Variants in SLC49A3 observed in about 807,000 individuals in gnomAD.
SLC49A3 encodes the protein solute carrier family 49 member A3.
A neutral mutation model predicts 43.8 loss-of-function variants in SLC49A3; 50 were observed. The observed-to-expected ratio is 1.14, with a 90% CI of 0.91 to 1.45. SLC49A3 has a LOEUF of 1.45. Among genes scored for constraint, SLC49A3 ranks in the 40% most tolerant of loss-of-function variants. The probability of loss-of-function intolerance (pLI) is 0.00; values close to 1 mark genes in which losing one functional copy is unlikely to be tolerated. For missense variants in SLC49A3, 906 were observed against 774.1 expected (o/e 1.17, Z -2.02); for synonymous variants, 413 against 352.0 (o/e 1.17, Z -1.94).
At position 682,269 on chromosome 4, in the gene SLC49A3, AG is replaced by A. The variant is rs768673787; in HGVS notation, c.1368del (p.Ser457ProfsTer42). On this transcript the variant is annotated frameshift_variant, in exon 10 of 10. Coordinates refer to ENST00000322224, the MANE Select transcript of SLC49A3 (RefSeq NM_032219.4). LOFTEE classifies it low-confidence loss of function (END_TRUNC). ...GCGCCGCCCACGGCGTTACGGGTGG[AG>A]GGGGGCTCCCCAGACTCGGCCTGCA... ...RRLQAESGEP[P>X]STRNAVGGAD... 3.6e-6 allele frequency: 5 copies of A among 1,373,084 alleles called. No homozygotes were observed. The highest frequency in any genetic ancestry group is 1.9e-5 in the South Asian group (1 of 52,928). The allele number at this position is 1,373,084 out of a possible 1,614,324, so 85.1% of individuals were successfully genotyped here.
At chr4:684,622 C>G in intron 5 of SLC49A3, 23 bp from the exon 6 acceptor site, 2 of 1,612,132 alleles carry the variant, frequency 1.2e-6, no homozygotes, top group Non-Finnish European at 1.7e-6. Flanking sequence ...AGCGTCTCAG[C>G]CCCGGAGCCC....
Position 686,218 on chromosome 4 carries a change from C to A in SLC49A3, c.379G>T (p.Ala127Ser), listed in dbSNP as rs770927084. 2 of 1,613,624 alleles carry A rather than the reference C, an allele frequency of 1.2e-6. No individual in the cohort carries two copies. The highest frequency in any genetic ancestry group is 2.2e-5 in the South Asian group (2 of 91,090). Residue 127 changes from alanine (A) to serine (S), a missense_variant, in exon 3 of 10, where the codon GCC (alanine) becomes TCC (serine). By Grantham distance (99) the Ala-to-Ser change is moderately conservative. Coordinates refer to ENST00000322224, the MANE Select transcript of SLC49A3 (RefSeq NM_032219.4). Reference protein sequence around the residue: ...CMVVGTQNPFAFLMGGQSLCA... With the variant: ...CMVVGTQNPFSFLMGGQSLCA... ...AGGCTCTGGCCACCCATGAGGAAGG[C>A]AAATGGGTTTTGGGTCCCAACAACC...
In SLC49A3 at chr4:686,519, G is replaced by A; in HGVS notation, c.294+13C>T. On this transcript the variant is annotated intron_variant, in intron 2 of 9. Transcript: ENST00000322224. ...CTGTCCCGGAGCGGGCCATGGTGTG[G>A]GGTCTGACTCACCGCCGCACGGAGC... The A allele has an allele frequency of 6.2e-7, 1 of 1,610,666 alleles. No individual in the cohort carries two copies. Among genetic ancestry groups the A allele is most frequent in the African/African-American group, 1.3e-5 (1 of 75,054 alleles).
At position 681,944 on chromosome 4, in the gene SLC49A3, T is replaced by C. The variant is rs2109380940; in HGVS notation, c.*14A>G. On this transcript the variant is annotated 3_prime_UTR_variant, in exon 10 of 10. Transcript: ENST00000322224. ...CATCGATGTGGCGGGCAACCTGGAC[T>C]ACAAGGCGCTCAGCTACGTGATCAC... The C allele has an allele frequency of 3.7e-6, 5 of 1,341,366 alleles. No homozygotes were observed. Among genetic ancestry groups the C allele is most frequent in the Non-Finnish European group, 4.8e-6 (5 of 1,034,186 alleles). 83.1% of individuals were successfully genotyped at this position (1,341,366 alleles called of 1,614,324 possible).
Position 682,203 on chromosome 4 carries a change from C to T in SLC49A3, c.1435G>A (p.Ala479Thr). Residue 479 changes from alanine to threonine, a missense_variant, in exon 10 of 10, where the codon GCT (alanine) becomes ACT (threonine). Transcript: ENST00000322224. ...PGVDRGGAGR[A>T]GVLGPSTATP... ...GCCGTGCTGGGCCCCAGGACCCCAG[C>T]CCTTCCTGCTCCCCCTCGGTCCACA... 1 of 1,369,138 alleles carries T rather than the reference C, an allele frequency of 7.3e-7. No homozygotes were observed. The highest frequency in any genetic ancestry group is 1.5e-5 in the African/African-American group (1 of 66,358). 84.8% of individuals were successfully genotyped at this position (1,369,138 alleles called of 1,614,324 possible).
At chr4:681,386 C>G (rs981467890), downstream of SLC49A3, among the ~76,000 whole-genome samples, 2 of 151,900 alleles carry the variant, frequency 1.3e-5, 1 homozygote, top group South Asian at 4.2e-4. Flanking sequence ...GCGGCCTGAG[C>G]GTCTGTCCCA....
rs764329425 is a variant in SLC49A3 at position 682,249 on chromosome 4, G to A, written c.1389C>T (p.Gly463=). The change falls in exon 10 of 10, where the codon GGC becomes GGT. Residue 463 remains glycine (G), a synonymous_variant. Transcript: ENST00000322224. ...GEPPSTRNAV[G]GADSGPGVDR... ...CCACACCCGGCCCTGAGTCTGCGCC[G>A]CCCACGGCGTTACGGGTGGAGGGGG... 1.3e-5 allele frequency: 18 copies of A among 1,381,776 alleles called. No homozygotes were observed. Among genetic ancestry groups the A allele is most frequent in the South Asian group, 9.0e-5 (5 of 55,532 alleles). 85.6% of individuals were successfully genotyped at this position (1,381,776 alleles called of 1,614,324 possible). A position where few individuals can be genotyped will look rare whatever the true frequency, so the allele number is the denominator to read the frequency against.
chr4:686,046 C>T lies in SLC49A3; in HGVS notation c.508+43G>A, dbSNP rs1053926184. ...GGGGAGCCGAGCGTCTGTGTGGACCCTGAGGTGAGCCCAGGCAGGCGGCCT... is the reference window on the plus strand; with the variant it reads ...GGGGAGCCGAGCGTCTGTGTGGACCTTGAGGTGAGCCCAGGCAGGCGGCCT... On this transcript the variant is annotated intron_variant, in intron 3 of 9. Transcript: ENST00000322224. 4 of 1,611,066 alleles carry T rather than the reference C, an allele frequency of 2.5e-6. No individual in the cohort carries two copies. The African/African-American group carries it at 5.3e-5, about 22-fold the overall frequency.
chr4:681,171 C>T (rs777350526), downstream of SLC49A3: 4 of 1,593,666 alleles, frequency 2.5e-6, no homozygotes, highest in Non-Finnish European at 3.4e-6. Context: ...GCCAAGCCCA[C>T]GAGGGGAGGG....
chr4:690,955 A>C (rs1741836364), upstream of SLC49A3, among the ~76,000 whole-genome samples: 1 of 152,266 alleles, frequency 6.6e-6, no homozygotes, highest in Non-Finnish European at 1.5e-5. Flanking sequence ...CTTTGGTATA[A>C]ACTTAGCAAA....
Position 685,093 on chromosome 4 carries a change from T to C in SLC49A3, c.586-237A>G. 7.1e-6 allele frequency: 4 copies of C among 564,510 alleles called. No homozygotes were observed. The highest frequency in any genetic ancestry group is 1.2e-5 in the Non-Finnish European group (4 of 325,064). The allele number at this position is 564,510 out of a possible 1,614,324, so 35.0% of individuals were successfully genotyped here. A position where few individuals can be genotyped will look rare whatever the true frequency, so the allele number is the denominator to read the frequency against. ...TCACCAGTGACACCCTCCTGGCTGA[T>C]GTTAGCCCAGCACCCCCAGGCTCCA... On this transcript the variant is annotated intron_variant, in intron 4 of 9. Coordinates refer to ENST00000322224, the MANE Select transcript of SLC49A3 (RefSeq NM_032219.4). The surrounding 1 kb of genome is among the most constrained non-coding windows in gnomAD (Gnocchi z 4.3).
upstream of SLC49A3, chr4:689,198 C>T: frequency 3.5e-6 from 4 of 1,141,982 alleles, no homozygotes; most frequent in Admixed American, 8.8e-5. Context: ...CCGCGTGGGC[C>T]GGGACCGCCT....
chr4:678,969 C>G (rs1439145636), downstream of SLC49A3: 4 of 1,613,804 alleles, frequency 2.5e-6, no homozygotes, highest in Non-Finnish European at 3.4e-6. Context: ...CATTCACACT[C>G]ATGGATCAGA....
upstream of SLC49A3, among the ~76,000 whole-genome samples, chr4:690,731 G>A (rs1208338493): frequency 3.9e-5 from 6 of 152,184 alleles, no homozygotes; most frequent in African/African-American, 7.2e-5. Flanking sequence ...GGCAGCCACT[G>A]TAGCTACCTC....
rs373044877 is a variant in SLC49A3 at position 683,703 on chromosome 4, G to A, written c.899C>T (p.Ala300Val). ...GGTCCGGTCCACATAGGGGCCGAGA[G>A]CCAGTGCCCCCAGGATCCCAAACGT... ...FITFGILGAL[A>V]LGPYVDRTKH... The change falls in exon 7 of 10, where the codon GCT becomes GTT. Residue 300 changes from alanine (A) to valine (V), a missense_variant. Transcript: ENST00000322224. 3 of 1,600,112 alleles carry A rather than the reference G, an allele frequency of 1.9e-6. No homozygotes were observed. The highest frequency in any genetic ancestry group is 2.7e-5 in the African/African-American group (2 of 74,736).
At chr4:687,734 G>C (rs1741340003) in intron 1 of SLC49A3, among the ~76,000 whole-genome samples, 1 of 152,156 alleles carries the variant, frequency 6.6e-6, no homozygotes, top group Admixed American at 6.5e-5. Context: ...CGCCCCCTTG[G>C]GTCCTTTGAG....
chr4:687,257 T>G (rs1384019019), intron 1 of SLC49A3: 1 of 152,538 alleles, frequency 6.6e-6, no homozygotes, highest in Non-Finnish European at 1.5e-5. Context: ...GGCTCATCCC[T>G]GAGGGAGGCC....
chr4:681,617 GCCGCCCCGCCC>G (rs1739576645), downstream of SLC49A3, among the ~76,000 whole-genome samples: 5 of 57,036 alleles, frequency 8.8e-5, no homozygotes, highest in Admixed American at 9.8e-4. Flanking sequence ...CCCCTCCAGC[GCCGCCCCGCCC>G]CCTCCAGCGC....
At chr4:678,985 G>C, downstream of SLC49A3, 3 of 1,613,820 alleles carry the variant, frequency 1.9e-6, no homozygotes, top group Non-Finnish European at 2.5e-6. Flanking sequence ...TCAGAACCGA[G>C]ATGGCTTCAT....
Sources: allele counts gnomAD v4.1 joint callset (sites outside exome capture counted in the v4.1 genomes callset), GRCh38; gene constraint gnomAD v4.1.1; non-coding constraint Gnocchi (gnomAD v3.1); transcripts MANE v1.5; gene names NCBI Gene and HGNC (gene_info 2026-07-23, HGNC 2026-07-21).